Variants in ULBP1 observed in about 807,000 individuals in gnomAD.
ULBP1 encodes UL16-binding protein 1.
In ULBP1, 28 loss-of-function variants were observed where a neutral mutation model predicts 25.3. The observed-to-expected ratio is 1.10, with a 90% CI of 0.82 to 1.51. The LOEUF (loss-of-function observed/expected upper bound fraction) is 1.51. Among genes scored for constraint, ULBP1 ranks in the 40% most tolerant of loss-of-function variants. The pLI, the probability that ULBP1 is intolerant of heterozygous loss-of-function variation, is 0.00. For missense variants in ULBP1, 348 were observed against 290.9 expected, an observed-to-expected ratio of 1.20 and a Z score of -1.43; for synonymous variants, 129 against 103.0, an observed-to-expected ratio of 1.25 and a Z score of -1.53.
chr6:149,965,489 C>A (rs1582823854), intron 1 of ULBP1, among the ~76,000 whole-genome samples: 3 of 152,182 alleles, frequency 2.0e-5, no homozygotes, highest in African/African-American at 7.2e-5. Context: ...CAAGGTAGGG[C>A]GGGGATCCCT....
At chr6:149,969,482 C>G in intron 3 of ULBP1, 122 bp downstream of exon 3, 1 of 1,401,152 alleles carries the variant, frequency 7.1e-7, no homozygotes, top group Non-Finnish European at 9.7e-7. Context: ...TCATGGGGGG[C>G]TCCTCCTGGG....
At chr6:149,965,726 C>T (rs1779193262) in intron 1 of ULBP1, among the ~76,000 whole-genome samples, 1 of 152,174 alleles carries the variant, frequency 6.6e-6, no homozygotes, top group Admixed American at 6.5e-5. Flanking sequence ...GCTGCAGACA[C>T]TCACCTGCAC....
intron 3 of ULBP1, 110 bp from the exon 4 acceptor site, chr6:149,969,906 G>A: frequency 7.0e-7 from 1 of 1,429,810 alleles, no homozygotes; most frequent in East Asian, 2.5e-5. Flanking sequence ...ACAGCAGAGG[G>A]GGACAAAAGG....
At chr6:149,970,395 G>A (rs1350198323) in intron 4 of ULBP1, among the ~76,000 whole-genome samples, 1 of 152,236 alleles carries the variant, frequency 6.6e-6, no homozygotes. Flanking sequence ...TGTTGAGCTT[G>A]AGAGGGTTTA....
At chr6:149,964,177 T>C in intron 1 of ULBP1, 43 bp downstream of exon 1, 2 of 1,608,988 alleles carry the variant, frequency 1.2e-6, no homozygotes, top group Non-Finnish European at 1.7e-6. Flanking sequence ...GGGCCAAACC[T>C]GGGAGGTTGT....
At position 149,971,772 on chromosome 6, in the gene ULBP1, A is replaced by C. The variant is rs1255389017; in HGVS notation, c.*426A>C. 3 of 152,208 alleles carry C rather than the reference A, an allele frequency of 2.0e-5. No homozygotes were observed. Among genetic ancestry groups the C allele is most frequent in the Non-Finnish European group, 4.4e-5 (3 of 68,034 alleles). 9.4% of individuals were successfully genotyped at this position (152,208 alleles called of 1,614,324 possible). ...CTAGTAAAATAGCATGCTGGACTTC[A>C]GACCTCAGGGATCCTTTTGATGCAC... On this transcript the variant is annotated 3_prime_UTR_variant, in exon 5 of 5. Transcript: ENST00000229708.
At position 149,973,503 on chromosome 6, in the gene ULBP1, C is replaced by G. The variant is rs1223831069; in HGVS notation, c.*2157C>G. The G allele has an allele frequency of 6.6e-6, 1 of 152,132 alleles. No homozygotes were observed. Among genetic ancestry groups the G allele is most frequent in the African/African-American group, 2.4e-5 (1 of 41,438 alleles). 9.4% of individuals were successfully genotyped at this position (152,132 alleles called of 1,614,324 possible). On this transcript the variant is annotated 3_prime_UTR_variant, in exon 5 of 5. Transcript: ENST00000229708. ...GATGAATAAATAAAATAAAATGACA[C>G]AAGGCCAAAAACAAATGGGTTTAAC...
chr6:149,968,661 C>G lies in ULBP1; in HGVS notation c.140C>G (p.Pro47Arg). ...ATCACTCCTAAGTCCAGACCTGAAC[C>G]ACAGTGGTGTGAAGTTCAAGGCCTG... ...FIITPKSRPEPQWCEVQGLVD... is the reference protein window; with the variant it reads ...FIITPKSRPERQWCEVQGLVD... Residue 47 changes from proline to arginine, a missense_variant, in exon 2 of 5, where the codon CCA becomes CGA. By Grantham distance (103) the Pro-to-Arg change is moderately radical (BLOSUM62 -2). Coordinates refer to ENST00000229708, the MANE Select transcript of ULBP1 (RefSeq NM_025218.4). 1 of 1,614,040 alleles carries G rather than the reference C, an allele frequency of 6.2e-7. No homozygotes were observed. Among genetic ancestry groups the G allele is most frequent in the Non-Finnish European group, 8.5e-7 (1 of 1,179,910 alleles).
At position 149,966,012 on chromosome 6, in the gene ULBP1, A is replaced by G. The variant is rs1239883946; in HGVS notation, c.85+1878A>G. On this transcript the variant is annotated intron_variant, in intron 1 of 4. Transcript: ENST00000229708. ...CCATTTCCCTCACGATGACCCTGGG[A>G]GCGCCGGTGAGTAGAGGTGCCCACT... is the stretch of plus-strand genomic sequence containing the variant. Among the ~76,000 whole-genome samples the G allele has an allele frequency of 2.0e-5, 3 of 151,990 alleles. No homozygotes were observed. The East Asian group carries it at 5.8e-4, about 29-fold the overall frequency.
chr6:149,969,403 T>C, intron 3 of ULBP1, 43 bp downstream of exon 3: 2 of 1,596,762 alleles, frequency 1.3e-6, no homozygotes, highest in Non-Finnish European at 1.7e-6. Flanking sequence ...CGAGTTCAGA[T>C]CTTATCAGCT....
intron 1 of ULBP1, among the ~76,000 whole-genome samples, chr6:149,965,823 T>C (rs750968790): frequency 4.6e-5 from 7 of 151,956 alleles, no homozygotes; most frequent in African/African-American, 9.7e-5. Context: ...CCATCTCAGC[T>C]CACCCCTGTC....
intron 3 of ULBP1, 134 bp downstream of exon 3, chr6:149,969,494 G>T: frequency 3.2e-6 from 4 of 1,248,520 alleles, no homozygotes; most frequent in East Asian, 2.4e-5. Context: ...CCTCCTGGGG[G>T]TCCTGGCATG....
rs199982303 is a variant in ULBP1 at position 149,968,753 on chromosome 6, G to A, written c.232G>A (p.Gly78Arg). 1.2e-6 allele frequency: 2 copies of A among 1,614,204 alleles called. No homozygotes were observed. The highest frequency in any genetic ancestry group is 3.3e-5 in the Admixed American group (2 of 60,026). The change falls in exon 2 of 5, where the codon GGG becomes AGG. Residue 78 changes from glycine to arginine, a missense_variant. By Grantham distance (125) the Gly-to-Arg change is moderately radical (BLOSUM62 -2). Transcript: ENST00000229708. ...CAAGGCCAAAGCCTTTGCTTCTCTG[G>A]GGAAGAAAGTCAATGTCACAAAAAC... Reference protein sequence around the residue: ...NHKAKAFASLGKKVNVTKTWE... With the variant: ...NHKAKAFASLRKKVNVTKTWE...
chr6:149,964,446 G>A (rs564221968), intron 1 of ULBP1, among the ~76,000 whole-genome samples: 1 of 150,454 alleles, frequency 6.6e-6, no homozygotes, highest in East Asian at 2.0e-4. Context: ...TCCTGCGGCT[G>A]CTGCTTGCCC....
chr6:149,972,264 C>A lies in ULBP1; in HGVS notation c.*918C>A, dbSNP rs1779330832. 6.6e-6 allele frequency: 1 copy of A among 152,026 alleles called. No homozygotes were observed. Among genetic ancestry groups the A allele is most frequent in the South Asian group, 2.1e-4 (1 of 4,814 alleles). The allele number at this position is 152,026 out of a possible 1,614,324, so 9.4% of individuals were successfully genotyped here. On this transcript the variant is annotated 3_prime_UTR_variant, in exon 5 of 5. Coordinates refer to ENST00000229708, the MANE Select transcript of ULBP1 (RefSeq NM_025218.4). ...AGAAATGGGCAATGTGGGAAAGACTCCCTATTCGAAAATTAGTGCTGGAAT... is the reference window on the plus strand; with the variant it reads ...AGAAATGGGCAATGTGGGAAAGACTACCTATTCGAAAATTAGTGCTGGAAT...
At chr6:149,967,862 T>A (rs1180913428) in intron 1 of ULBP1, among the ~76,000 whole-genome samples, 1 of 152,168 alleles carries the variant, frequency 6.6e-6, no homozygotes, top group African/African-American at 2.4e-5. Flanking sequence ...TTCTTGATAG[T>A]CTGCTGCCTT....
chr6:149,968,423 G>A (rs910569172), intron 1 of ULBP1, among the ~76,000 whole-genome samples, 184 bp from the exon 2 acceptor site: 3 of 152,214 alleles, frequency 2.0e-5, no homozygotes, highest in Non-Finnish European at 4.4e-5. Flanking sequence ...TCCCCTCCGT[G>A]TACTCAAGCA....
At chr6:149,970,989 G>T (rs1366544957) in intron 4 of ULBP1, among the ~76,000 whole-genome samples, 1 of 152,258 alleles carries the variant, frequency 6.6e-6, no homozygotes. Flanking sequence ...GAAGGGAAAA[G>T]AAGGTGGTTT....
intron 3 of ULBP1, 52 bp downstream of exon 3, chr6:149,969,412 C>A: frequency 6.3e-7 from 1 of 1,590,864 alleles, no homozygotes; most frequent in Non-Finnish European, 8.6e-7. Flanking sequence ...ATCTTATCAG[C>A]TGGTGTATGT....
Sources: gnomAD v4.1 joint callset for allele counts (sites outside exome capture counted in the v4.1 genomes callset) on GRCh38, gnomAD v4.1.1 for gene constraint, MANE v1.5 for transcripts, NCBI Gene and HGNC (gene_info 2026-07-23, HGNC 2026-07-21) for gene names.